Variants in FBXO40 observed in about 807,000 individuals in gnomAD.
FBXO40 encodes the protein F-box protein 40.
FBXO40 carries 50 observed loss-of-function variants against 49.9 expected under a neutral mutation model. The ratio of observed to expected loss-of-function variants is 1.00; its 90% CI spans 0.80 to 1.27. The LOEUF (loss-of-function observed/expected upper bound fraction) is 1.27, where lower values mean the gene tolerates loss of function less well. FBXO40 is among the 50% of genes most tolerant of loss of function. The pLI, the probability that FBXO40 is intolerant of heterozygous loss-of-function variation, is 0.00. For synonymous variants in FBXO40, 340 were observed against 320.2 expected (o/e 1.06, Z -0.66); for missense variants, 895 against 870.1 (o/e 1.03, Z -0.36).
At chr3:121,625,233 A>G (rs2049055090) in intron 3 of FBXO40, among the ~76,000 whole-genome samples, 1 of 152,194 alleles carries the variant, frequency 6.6e-6, no homozygotes, top group Admixed American at 6.5e-5. Flanking sequence ...ATCATATCCC[A>G]GTGCCTGTAG....
intron 1 of FBXO40, among the ~76,000 whole-genome samples, chr3:121,604,686 GCAGT>G (rs1344342256): frequency 3.3e-5 from 5 of 152,158 alleles, no homozygotes; most frequent in Non-Finnish European, 7.3e-5. Flanking sequence ...TCCCTGTGCC[GCAGT>G]CAGAGTATCT....
chr3:121,598,837 G>A (rs1331184988), intron 1 of FBXO40, among the ~76,000 whole-genome samples: 3 of 152,116 alleles, frequency 2.0e-5, no homozygotes, highest in African/African-American at 7.2e-5. Flanking sequence ...TTTCTGCGTG[G>A]TCCACACAGC....
At position 121,629,612 on chromosome 3, in the gene FBXO40, G is replaced by T. The variant is rs1444355316; in HGVS notation, c.*2702G>T. 6.6e-6 allele frequency: 1 copy of T among 152,240 alleles called. No individual in the cohort carries two copies. Among genetic ancestry groups the T allele is most frequent in the East Asian group, 1.9e-4 (1 of 5,202 alleles). 9.4% of individuals were successfully genotyped at this position (152,240 alleles called of 1,614,324 possible). On this transcript the variant is annotated 3_prime_UTR_variant, in exon 4 of 4. Transcript: ENST00000338040. Reference sequence around the variant, plus strand: ...CCCTTCCCAAACTGGGTGAGCTGGGGAAGCCTTGGTTCAGGAGAGTGGCAC... The same window carrying T: ...CCCTTCCCAAACTGGGTGAGCTGGGTAAGCCTTGGTTCAGGAGAGTGGCAC...
In FBXO40 at chr3:121,621,503, T is replaced by C; in HGVS notation, c.74T>C (p.Ile25Thr). 1 of 1,614,222 alleles carries C rather than the reference T, an allele frequency of 6.2e-7. No homozygotes were observed. Among genetic ancestry groups the C allele is most frequent in the East Asian group, 2.2e-5 (1 of 44,880 alleles). ...CEGCFNRHCH[I>T]PVEPNTSCLV... ...GGATGCTTCAACCGCCACTGCCACA[T>C]TCCTGTGGAACCCAACACCTCCTGC... is the stretch of plus-strand genomic sequence containing the variant. The change falls in exon 3 of 4, where the codon ATT becomes ACT. Residue 25 changes from isoleucine (I) to threonine (T), a missense_variant. Physicochemically the swap from Ile to Thr is moderately conservative, Grantham distance 89 (BLOSUM62 -1). Transcript: ENST00000338040.
chr3:121,615,476 A>T (rs1044861812), intron 1 of FBXO40, among the ~76,000 whole-genome samples: 7 of 149,242 alleles, frequency 4.7e-5, no homozygotes. Context: ...AATCATTTGA[A>T]CCCGGGAGGT....
chr3:121,626,041 T>C (rs2049060350), intron 3 of FBXO40, among the ~76,000 whole-genome samples: 1 of 152,230 alleles, frequency 6.6e-6, no homozygotes, highest in African/African-American at 2.4e-5. Context: ...TACAATACTT[T>C]AATTTCAAGC....
At chr3:121,606,426 T>A (rs2048932408) in intron 1 of FBXO40, among the ~76,000 whole-genome samples, 1 of 152,212 alleles carries the variant, frequency 6.6e-6, no homozygotes, top group Non-Finnish European at 1.5e-5. Context: ...GAGCACTTGA[T>A]ATGGACCTTT....
intron 1 of FBXO40, among the ~76,000 whole-genome samples, chr3:121,608,297 C>T (rs554647418): frequency 1.3e-5 from 2 of 152,164 alleles, no homozygotes; most frequent in African/African-American, 4.8e-5. Flanking sequence ...CCACTCTTTC[C>T]AAATGTCGGC....
At chr3:121,613,621 T>C (rs1576453269) in intron 1 of FBXO40, among the ~76,000 whole-genome samples, 1 of 152,340 alleles carries the variant, frequency 6.6e-6, no homozygotes, top group Non-Finnish European at 1.5e-5. Context: ...AGGAAAGTCA[T>C]AAAAGAGGCT....
At position 121,608,815 on chromosome 3, in the gene FBXO40, G is replaced by C. The variant is rs181863819; in HGVS notation, c.-30-11731G>C. Among the ~76,000 whole-genome samples, 120 of 152,294 alleles carry C rather than the reference G, an allele frequency of 7.9e-4. 2 individuals carry two copies. Among genetic ancestry groups the C allele is most frequent in the Admixed American group, 2.9e-3 (44 of 15,298 alleles). ...TGCTTAGAAAAATAGGCTACTGGCT[G>C]TGGAATATTCCCCAATTTTTGGACA... On this transcript the variant is annotated intron_variant, in intron 1 of 3. Coordinates refer to ENST00000338040, the MANE Select transcript of FBXO40 (RefSeq NM_016298.4).
At chr3:121,596,359 A>G (rs529284633) in intron 1 of FBXO40, among the ~76,000 whole-genome samples, 1 of 152,354 alleles carries the variant, frequency 6.6e-6, no homozygotes, top group South Asian at 2.1e-4. Flanking sequence ...CATAGGCAAG[A>G]CATTTCACTT....
At chr3:121,599,815 C>T (rs908619511) in intron 1 of FBXO40, among the ~76,000 whole-genome samples, 17 of 149,794 alleles carry the variant, frequency 1.1e-4, no homozygotes, top group East Asian at 2.0e-4. Flanking sequence ...CTCTGCCTCC[C>T]GGGTTCAAGA....
chr3:121,625,067 G>A lies in FBXO40; in HGVS notation c.1915-1628G>A, dbSNP rs116467683. Among the ~76,000 whole-genome samples the A allele has an allele frequency of 1.8e-3, 281 of 152,298 alleles. 2 individuals carry two copies. Among genetic ancestry groups the A allele is most frequent in the East Asian group, 6.2e-3 (32 of 5,182 alleles). On this transcript the variant is annotated intron_variant, in intron 3 of 3. Coordinates refer to ENST00000338040, the MANE Select transcript of FBXO40 (RefSeq NM_016298.4). Reference sequence around the variant, plus strand: ...TGGCCCACTGATTTCCCCGGTTCAAGTGCTAATTTAATTGTTCAAAAAACA... The same window carrying A: ...TGGCCCACTGATTTCCCCGGTTCAAATGCTAATTTAATTGTTCAAAAAACA...
At position 121,627,640 on chromosome 3, in the gene FBXO40, A is replaced by G. The variant is rs2049069873; in HGVS notation, c.*730A>G. ...AAAGGAGACACCATATTTATGGAGA[A>G]CATTAGGACAAAAAGTCACCAACTT... On this transcript the variant is annotated 3_prime_UTR_variant, in exon 4 of 4. Coordinates refer to ENST00000338040, the MANE Select transcript of FBXO40 (RefSeq NM_016298.4). 1 of 391,852 alleles carries G rather than the reference A, an allele frequency of 2.6e-6. No homozygotes were observed. Among genetic ancestry groups the G allele is most frequent in the Non-Finnish European group, 4.5e-6 (1 of 222,438 alleles). 24.3% of individuals were successfully genotyped at this position (391,852 alleles called of 1,614,324 possible). A position where few individuals can be genotyped will look rare whatever the true frequency, so the allele number is the denominator to read the frequency against.
chr3:121,607,281 T>C (rs1576451538), intron 1 of FBXO40, among the ~76,000 whole-genome samples: 1 of 136,312 alleles, frequency 7.3e-6, no homozygotes. Context: ...AAAAAAAAAA[T>C]TGAGAGACCT....
chr3:121,600,073 C>T (rs2048894525), intron 1 of FBXO40, among the ~76,000 whole-genome samples: 2 of 151,932 alleles, frequency 1.3e-5, no homozygotes, highest in Admixed American at 1.3e-4. Flanking sequence ...CTGTGTTGCC[C>T]AGGCTGGAGT....
At position 121,628,156 on chromosome 3, in the gene FBXO40, T is replaced by C; in HGVS notation, c.*1246T>C. On this transcript the variant is annotated 3_prime_UTR_variant, in exon 4 of 4. Transcript: ENST00000338040. ...TTAGCCTTGGAACTATTGACATTTT[T>C]AAATGGATAATTCTTTTTTTTTTTT... The C allele has an allele frequency of 2.6e-6, 1 of 379,736 alleles. No homozygotes were observed. Among genetic ancestry groups the C allele is most frequent in the Non-Finnish European group, 4.6e-6 (1 of 215,496 alleles). 23.5% of individuals were successfully genotyped at this position (379,736 alleles called of 1,614,324 possible). A position where few individuals can be genotyped will look rare whatever the true frequency, so the allele number is the denominator to read the frequency against.
chr3:121,601,120 A>G (rs973289911), intron 1 of FBXO40, among the ~76,000 whole-genome samples: 1 of 152,194 alleles, frequency 6.6e-6, no homozygotes, highest in Non-Finnish European at 1.5e-5. Flanking sequence ...GTCCTAGGCA[A>G]ACCAGGACAA....
chr3:121,618,954 C>T (rs1393455023), intron 1 of FBXO40, among the ~76,000 whole-genome samples: 1 of 149,786 alleles, frequency 6.7e-6, no homozygotes, highest in Non-Finnish European at 1.5e-5. Context: ...ATTTTACCCA[C>T]AATGAATTGG....
Sources: gnomAD v4.1 joint callset for allele counts (sites outside exome capture counted in the v4.1 genomes callset) on GRCh38, gnomAD v4.1.1 for gene constraint, MANE v1.5 for transcripts, NCBI Gene and HGNC (gene_info 2026-07-23, HGNC 2026-07-21) for gene names.